The following PPP2R3A variants were observed in gnomAD, a reference collection of about 807,000 sequenced individuals.
PPP2R3A encodes serine/threonine-protein phosphatase 2A regulatory subunit B'' subunit alpha.
A neutral mutation model predicts 106.9 loss-of-function variants in PPP2R3A; 80 were observed. That is an observed-to-expected ratio of 0.75 (90% CI 0.62 to 0.90). PPP2R3A has a LOEUF of 0.90. PPP2R3A is among the 40% of genes least tolerant of loss of function. PPP2R3A has a pLI of 0.00. For missense variants in PPP2R3A, 1,386 were observed against 1,350.4 expected (o/e 1.03, Z -0.41); for synonymous variants, 483 against 468.3 (o/e 1.03, Z -0.41).
chr3:136,140,485 C>G (rs1938821399), intron 13 of PPP2R3A, among the ~76,000 whole-genome samples: 2 of 150,050 alleles, frequency 1.3e-5, no homozygotes, highest in South Asian at 4.2e-4. Context: ...GTGGCTCACG[C>G]CTGTAATAAT....
intron 5 of PPP2R3A, among the ~76,000 whole-genome samples, chr3:136,052,695 C>CAACA (rs1350946511): frequency 3.3e-5 from 5 of 152,132 alleles, no homozygotes; most frequent in Non-Finnish European, 5.9e-5. Flanking sequence ...TAGAAACAGA[C>CAACA]AACAACAAAA....
chr3:136,113,150 C>T (rs1432564464), intron 13 of PPP2R3A, among the ~76,000 whole-genome samples: 1 of 151,498 alleles, frequency 6.6e-6, no homozygotes, highest in African/African-American at 2.4e-5. Context: ...CAAAAAAAGC[C>T]CGAATAGCCA....
intron 13 of PPP2R3A, among the ~76,000 whole-genome samples, chr3:136,128,785 A>G (rs1315541118): frequency 4.6e-5 from 7 of 152,178 alleles, no homozygotes; most frequent in Non-Finnish European, 1.0e-4. Context: ...ACTCCTCAGC[A>G]AATGTAAAAG....
At chr3:136,045,453 T>C (rs1387470659) in intron 4 of PPP2R3A, among the ~76,000 whole-genome samples, 1 of 152,178 alleles carries the variant, frequency 6.6e-6, no homozygotes, top group Non-Finnish European at 1.5e-5. Flanking sequence ...TATGGATTAA[T>C]GGGCTGGCAC....
At chr3:136,054,186 C>A (rs1935777681) in intron 5 of PPP2R3A, among the ~76,000 whole-genome samples, 3 of 151,298 alleles carry the variant, frequency 2.0e-5, no homozygotes, top group Admixed American at 2.0e-4. Context: ...CCCCTACACA[C>A]ATACACATAC....
rs76407305 is a variant in PPP2R3A at position 136,076,200 on chromosome 3, C to T, written c.2545-2167C>T. Among the ~76,000 whole-genome samples, 285 of 152,320 alleles carry T rather than the reference C, an allele frequency of 1.9e-3. 1 individual carries two copies. Among genetic ancestry groups the T allele is most frequent in the Non-Finnish European group, 3.3e-3 (226 of 68,030 alleles). ...TAGGAAAGTCTTCCTTATATTGAAG[C>T]ATTTCAGTATAAATGCATTTCTGTC... On this transcript the variant is annotated intron_variant, in intron 6 of 13. Coordinates refer to ENST00000264977, the MANE Select transcript of PPP2R3A (RefSeq NM_002718.5).
At chr3:136,072,421 G>T (rs372735421) in intron 6 of PPP2R3A, among the ~76,000 whole-genome samples, 1 of 152,084 alleles carries the variant, frequency 6.6e-6, no homozygotes, top group African/African-American at 2.4e-5. Context: ...GTGAAACCCC[G>T]TCTCTACTAA....
chr3:136,027,021 C>G lies in PPP2R3A; in HGVS notation c.2185C>G (p.Leu729Val), dbSNP rs780403075. 3.7e-6 allele frequency: 6 copies of G among 1,612,498 alleles called. No individual in the cohort carries two copies. Among genetic ancestry groups the G allele is most frequent in the Non-Finnish European group, 5.1e-6 (6 of 1,178,714 alleles). ...PDTCSNHEQT[L>V]SRIETAFMDI... ...TACCTGTAGTAATCATGAACAAACT[C>G]TAAGCAGAATTGAAACTGCTTTCAT... The change falls in exon 3 of 14, where the codon CTA becomes GTA. Residue 729 changes from leucine (L) to valine (V), a missense_variant. Physicochemically the swap from Leu to Val is conservative, Grantham distance 32 (BLOSUM62 1). Transcript: ENST00000264977.
chr3:136,023,551 G>A (rs916370743), intron 2 of PPP2R3A, among the ~76,000 whole-genome samples: 1 of 152,072 alleles, frequency 6.6e-6, no homozygotes, highest in Non-Finnish European at 1.5e-5. Flanking sequence ...ATATCCTTGA[G>A]AAACTAGAAT....
chr3:136,115,287 G>A (rs1339721713), intron 13 of PPP2R3A, among the ~76,000 whole-genome samples: 1 of 152,128 alleles, frequency 6.6e-6, no homozygotes, highest in Admixed American at 6.6e-5. Context: ...CACAAAGATG[G>A]GGAGAAACTA....
intron 3 of PPP2R3A, among the ~76,000 whole-genome samples, chr3:136,031,202 C>A (rs946408507): frequency 1.3e-5 from 2 of 151,600 alleles, no homozygotes; most frequent in African/African-American, 4.8e-5. Context: ...GGTTAAGGTT[C>A]TTCTTGGAGG....
In PPP2R3A at chr3:136,082,410, A is replaced by G; in HGVS notation, c.2777A>G (p.Tyr926Cys). The change falls in exon 8 of 14, where the codon TAC becomes TGC. Residue 926 changes from tyrosine (Y) to cysteine (C), a missense_variant. Physicochemically the swap from Tyr to Cys is radical, Grantham distance 194 (BLOSUM62 -2). Coordinates refer to ENST00000264977, the MANE Select transcript of PPP2R3A (RefSeq NM_002718.5). Reference sequence around the variant, plus strand: ...ATCAGCCAGGCCGATCTGTCTCGATACAATGACCAGGGTAAGTGATTCTGT... The same window carrying G: ...ATCAGCCAGGCCGATCTGTCTCGATGCAATGACCAGGGTAAGTGATTCTGT... ...LYISQADLSR[Y>C]NDQASSSRII... is the part of the protein sequence containing the mutation. 1 of 1,613,816 alleles carries G rather than the reference A, an allele frequency of 6.2e-7. No individual in the cohort carries two copies. The highest frequency in any genetic ancestry group is 8.5e-7 in the Non-Finnish European group (1 of 1,179,730).
At chr3:136,033,730 A>G (rs548751361) in intron 3 of PPP2R3A, among the ~76,000 whole-genome samples, 2 of 152,048 alleles carry the variant, frequency 1.3e-5, no homozygotes, top group Non-Finnish European at 2.9e-5. Flanking sequence ...CAGTTGTAAT[A>G]TCTCCTGTTT....
intron 4 of PPP2R3A, among the ~76,000 whole-genome samples, chr3:136,045,651 C>A (rs763218060): frequency 5.9e-5 from 9 of 152,130 alleles, no homozygotes; most frequent in Non-Finnish European, 1.0e-4. Flanking sequence ...CCAAAAAAAC[C>A]TAGGCTGTGG....
intron 2 of PPP2R3A, among the ~76,000 whole-genome samples, chr3:136,015,325 G>A (rs902197057): frequency 6.6e-6 from 1 of 151,876 alleles, no homozygotes; most frequent in African/African-American, 2.4e-5. Context: ...GGTGATACTG[G>A]CTTCATAGAA....
chr3:136,031,210 A>G (rs1045181731), intron 3 of PPP2R3A, among the ~76,000 whole-genome samples: 1 of 151,824 alleles, frequency 6.6e-6, no homozygotes, highest in African/African-American at 2.4e-5. Flanking sequence ...TTCTTCTTGG[A>G]GGGGTAAGGT....
chr3:136,041,947 T>G (rs544788300), intron 4 of PPP2R3A, among the ~76,000 whole-genome samples: 5 of 152,220 alleles, frequency 3.3e-5, no homozygotes, highest in Admixed American at 6.5e-5. Flanking sequence ...CCCTTCTGCC[T>G]CTTTTAACTG....
intron 6 of PPP2R3A, among the ~76,000 whole-genome samples, chr3:136,077,368 A>C (rs980978020): frequency 1.3e-5 from 2 of 152,324 alleles, no homozygotes; most frequent in East Asian, 3.9e-4. Flanking sequence ...AAGATGTCCA[A>C]ATATCTTGCC....
chr3:135,985,324 T>C (rs2107764895), intron 1 of PPP2R3A, among the ~76,000 whole-genome samples: 2 of 149,682 alleles, frequency 1.3e-5, no homozygotes, highest in East Asian at 2.0e-4. Flanking sequence ...TCTCCCCCTT[T>C]CCCTTTCTCT....
Sources: allele counts gnomAD v4.1 joint callset (sites outside exome capture counted in the v4.1 genomes callset), GRCh38; gene constraint gnomAD v4.1.1; transcripts MANE v1.5; gene names NCBI Gene and HGNC (gene_info 2026-07-23, HGNC 2026-07-21).